Variants in ASAH2 observed in about 807,000 individuals in gnomAD.
The protein encoded by ASAH2 is neutral ceramidase.
A neutral mutation model predicts 82.9 loss-of-function variants in ASAH2; 58 were observed. The ratio of observed to expected loss-of-function variants is 0.70; its 90% CI spans 0.57 to 0.87. ASAH2 has a LOEUF of 0.87. Among genes scored for constraint, ASAH2 ranks in the 40% least tolerant of loss-of-function variants. The pLI, the probability that ASAH2 is intolerant of heterozygous loss-of-function variation, is 0.00. For missense variants in ASAH2, 779 were observed against 834.0 expected, an observed-to-expected ratio of 0.93 and a Z score of 0.81; for synonymous variants, 276 against 289.7, an observed-to-expected ratio of 0.95 and a Z score of 0.48.
chr10:50,247,052 ACAGTAACTACTGC>A (rs1846476849), intron 2 of ASAH2, among the ~76,000 whole-genome samples: 1 of 152,240 alleles, frequency 6.6e-6, no homozygotes, highest in Non-Finnish European at 1.5e-5. Flanking sequence ...CATTTAATAA[ACAGTAACTACTGC>A]CATAAGAATA....
chr10:50,250,044 GTTTACA>G lies in ASAH2; in HGVS notation c.-37+1345_-37+1350del, dbSNP rs557084252. Among the ~76,000 whole-genome samples the G allele has an allele frequency of 1.6e-4, 24 of 152,272 alleles. No homozygotes were observed. In the South Asian group the frequency reaches 2.1e-3, roughly 13 times the overall value. ...AAATAGCATTCAGAGTTTATAAAGA[GTTTACA>G]TTTACAATCCTGAAATTTCAAATTA... On this transcript the variant is annotated intron_variant, in intron 1 of 20. Transcript: ENST00000682911.
intron 1 of ASAH2, among the ~76,000 whole-genome samples, chr10:50,250,983 C>T (rs1000508991): frequency 1.3e-5 from 2 of 152,190 alleles, no homozygotes; most frequent in Non-Finnish European, 2.9e-5. Context: ...CTTTAAGGAA[C>T]TTAAAACTTG....
chr10:50,214,378 A>G (rs1447099485), intron 9 of ASAH2, among the ~76,000 whole-genome samples: 4 of 152,210 alleles, frequency 2.6e-5, no homozygotes, highest in African/African-American at 4.8e-5. Flanking sequence ...AAAACCCTAT[A>G]AACTTTATAA....
chr10:50,241,631 ATCCAACCCAAATG>A (rs1271130899), intron 4 of ASAH2, among the ~76,000 whole-genome samples: 1 of 152,196 alleles, frequency 6.6e-6, no homozygotes, highest in Non-Finnish European at 1.5e-5. Context: ...AAAGACTTGG[ATCCAACCCAAATG>A]TCCATCCATG....
Position 50,214,782 on chromosome 10 carries a change from C to G in ASAH2, c.1101G>C (p.Glu367Asp). ...ILGPRCINTGESCDNANSTCP... is the reference protein window; with the variant it reads ...ILGPRCINTGDSCDNANSTCP... Reference sequence around the variant, plus strand: ...AAGTGCTATTGGCGTTATCACAGGACTCTCCTGTGTTGATGCAACGTGGTC... The same window carrying G: ...AAGTGCTATTGGCGTTATCACAGGAGTCTCCTGTGTTGATGCAACGTGGTC... The change falls in exon 9 of 21, where the codon GAG becomes GAC. Residue 367 changes from glutamate (E) to aspartate (D), a missense_variant. By Grantham distance (45) the Glu-to-Asp change is conservative (BLOSUM62 2). This residue lies in a region of ASAH2 where 759 missense variants were observed against 755.2 expected (regional missense o/e 1.00). Transcript: ENST00000682911. 1.9e-6 allele frequency: 3 copies of G among 1,613,688 alleles called. No homozygotes were observed. Among genetic ancestry groups the G allele is most frequent in the Non-Finnish European group, 2.5e-6 (3 of 1,179,646 alleles).
chr10:50,234,651 T>C, intron 5 of ASAH2, 99 bp from the exon 6 acceptor site: 1 of 1,538,018 alleles, frequency 6.5e-7, no homozygotes, highest in Non-Finnish European at 9.0e-7. Flanking sequence ...AACAATTTCC[T>C]TTGTCTCTAA....
intron 2 of ASAH2, among the ~76,000 whole-genome samples, chr10:50,246,307 G>A (rs1846456629): frequency 1.3e-5 from 2 of 152,100 alleles, no homozygotes; most frequent in Admixed American, 1.3e-4. Context: ...ATAATATCCT[G>A]CTTCCTGGGG....
At chr10:50,239,518 G>A (rs183808464) in intron 4 of ASAH2, among the ~76,000 whole-genome samples, 51,262 of 151,892 alleles carry the variant, frequency 0.34, 10,563 homozygotes, top group Non-Finnish European at 0.45. Flanking sequence ...CCCAATTAGA[G>A]CCATCTCATT....
intron 16 of ASAH2, among the ~76,000 whole-genome samples, chr10:50,199,565 A>G (rs1833603550): frequency 6.6e-6 from 1 of 150,736 alleles, no homozygotes; most frequent in African/African-American, 2.4e-5. Context: ...CATTTAATCC[A>G]TCACAAAGCC....
rs1846153242 is a variant in ASAH2, at chr10:50,236,077, A to C, written c.511-13T>G. 6.2e-7 allele frequency: 1 copy of C among 1,611,314 alleles called. No individual in the cohort carries two copies. Among genetic ancestry groups the C allele is most frequent in the Admixed American group, 1.7e-5 (1 of 59,870 alleles). ...GTCTGTTCAGGACCTTCAAGAAAAA[A>C]AGTAATTGAACTAAGAAGAGGGATA... On this transcript the variant is annotated splice_polypyrimidine_tract_variant and intron_variant, in intron 4 of 20. Transcript: ENST00000682911.
intron 8 of ASAH2, among the ~76,000 whole-genome samples, 189 bp downstream of exon 8, chr10:50,218,321 G>A (rs188906693): frequency 6.6e-6 from 1 of 152,186 alleles, no homozygotes; most frequent in African/African-American, 2.4e-5. Context: ...AAAGCAAATG[G>A]TTAGTACTCA....
chr10:50,240,223 A>T (rs1018347938), intron 4 of ASAH2, among the ~76,000 whole-genome samples: 3 of 152,276 alleles, frequency 2.0e-5, no homozygotes, highest in African/African-American at 7.2e-5. Context: ...TAAAGGGGGA[A>T]ATTGTTAGGC....
rs948595384 is a variant in ASAH2 at position 50,238,913 on chromosome 10, G to A, written c.511-2849C>T. ...GCCAGACATATGGGACTTCTAGCGG[G>A]GAGAAAAAAGAAATACATAAAACCT... On this transcript the variant is annotated intron_variant, in intron 4 of 20. Transcript: ENST00000682911. Among the ~76,000 whole-genome samples the A allele has an allele frequency of 3.4e-4, 52 of 152,084 alleles. 1 individual carries two copies. In the South Asian group the frequency reaches 8.5e-3, roughly 25 times the overall value.
In ASAH2 at chr10:50,245,347, A is replaced by C. The variant is rs80335014; in HGVS notation, c.235T>G (p.Ser79Ala). ...ACTGGAGAAGTTTGAGTGGCTGTGG[A>C]GCTCTGGGTGGCTGTGGAATGCTGG... Reference protein sequence around the residue: ...ATQHSTATQSSTATQTSPVPL... With the variant: ...ATQHSTATQSATATQTSPVPL... Residue 79 changes from serine to alanine, a missense_variant, in exon 3 of 21, where the codon TCC (serine) becomes GCC (alanine). By Grantham distance (99) the Ser-to-Ala change is moderately conservative. Transcript: ENST00000682911. 1.2e-6 allele frequency: 2 copies of C among 1,613,928 alleles called. No individual in the cohort carries two copies. The highest frequency in any genetic ancestry group is 3.3e-5 in the Admixed American group (2 of 59,988).
chr10:50,237,136 C>T (rs1846182266), intron 4 of ASAH2, among the ~76,000 whole-genome samples: 1 of 152,098 alleles, frequency 6.6e-6, no homozygotes, highest in Non-Finnish European at 1.5e-5. Context: ...GCAACTCAGG[C>T]ATAGTGAGCA....
chr10:50,240,415 TCTG>T lies in ASAH2; in HGVS notation c.510+2784_510+2786del, dbSNP rs1456459465. 1.0e-5 allele frequency: 7 copies of T among 701,420 alleles called. No individual in the cohort carries two copies. In the African/African-American group the frequency reaches 1.0e-4, roughly 11 times the overall value. The allele number at this position is 701,420 out of a possible 1,614,324, so 43.4% of individuals were successfully genotyped here. On this transcript the variant is annotated intron_variant, in intron 4 of 20. Transcript: ENST00000682911. Reference sequence around the variant, plus strand: ...AAAGCCTCAGTATCTCTTTAAAGAATCTGCTAATTTTTGTCCTCACTTCTAGTT... The same window carrying T: ...AAAGCCTCAGTATCTCTTTAAAGAATCTAATTTTTGTCCTCACTTCTAGTT...
intron 7 of ASAH2, among the ~76,000 whole-genome samples, chr10:50,221,036 T>C (rs1406792303): frequency 2.0e-5 from 3 of 152,158 alleles, no homozygotes; most frequent in Non-Finnish European, 4.4e-5. Context: ...TCAAGCCAAA[T>C]CACCAATGAG....
At chr10:50,229,290 A>C (rs1319310484) in intron 7 of ASAH2, among the ~76,000 whole-genome samples, 1 of 152,176 alleles carries the variant, frequency 6.6e-6, no homozygotes, top group Non-Finnish European at 1.5e-5. Context: ...TTCACAATTC[A>C]GAACATCCAC....
At chr10:50,207,250 T>G (rs1369255033) in intron 12 of ASAH2, among the ~76,000 whole-genome samples, 1 of 151,790 alleles carries the variant, frequency 6.6e-6, no homozygotes, top group Non-Finnish European at 1.5e-5. Flanking sequence ...ACCAATAACC[T>G]AACTTCCACT....
Sources: allele counts gnomAD v4.1 joint callset (sites outside exome capture counted in the v4.1 genomes callset), GRCh38; gene constraint gnomAD v4.1.1; regional missense constraint gnomAD v4.1.1; transcripts MANE v1.5; gene names NCBI Gene and HGNC (gene_info 2026-07-23, HGNC 2026-07-21).